The following DCC variants were observed in gnomAD, a reference collection of about 807,000 sequenced individuals.
The protein encoded by DCC is DCC netrin 1 receptor, also known as netrin receptor DCC.
DCC carries 58 observed loss-of-function variants against 172.5 expected under a neutral mutation model. The observed-to-expected ratio is 0.34, with a 90% CI of 0.27 to 0.42. DCC has a LOEUF of 0.42. Ranked by LOEUF, DCC falls within the 10% of genes least tolerant of loss-of-function variation. The probability of loss-of-function intolerance (pLI) is 1.00; values close to 1 mark genes in which losing one functional copy is unlikely to be tolerated. For synonymous variants in DCC, 709 were observed against 644.5 expected, an observed-to-expected ratio of 1.10 and a Z score of -1.52; for missense variants, 1,740 against 1,791.0, an observed-to-expected ratio of 0.97 and a Z score of 0.51.
chr18:52,793,184 C>T (rs2037809541), intron 2 of DCC, among the ~76,000 whole-genome samples: 1 of 152,176 alleles, frequency 6.6e-6, no homozygotes, highest in African/African-American at 2.4e-5. Context: ...ATTGTCACCC[C>T]ACCCTAATCT....
chr18:53,099,961 G>GTTTTTTTTTT, intron 7 of DCC, among the ~76,000 whole-genome samples: 1 of 97,918 alleles, frequency 1.0e-5, no homozygotes, highest in Non-Finnish European at 1.9e-5. Flanking sequence ...TTTTTTTTTT[G>GTTTTTTTTTT]TTTGAGACAG....
At chr18:53,343,602 T>A (rs943327486) in intron 15 of DCC, among the ~76,000 whole-genome samples, 1 of 151,960 alleles carries the variant, frequency 6.6e-6, no homozygotes, top group Non-Finnish European at 1.5e-5. Context: ...GGTTATATAT[T>A]TGTCTACAAT....
chr18:53,222,945 C>T (rs1172457805), intron 12 of DCC, among the ~76,000 whole-genome samples: 1 of 151,830 alleles, frequency 6.6e-6, no homozygotes, highest in Non-Finnish European at 1.5e-5. Flanking sequence ...TCCAAAAATA[C>T]CTTCTTATCT....
Position 52,400,043 on chromosome 18 carries a change from T to C in DCC, c.91+59165T>C, listed in dbSNP as rs114969753. On this transcript the variant is annotated intron_variant, in intron 1 of 28. Coordinates refer to ENST00000442544, the MANE Select transcript of DCC (RefSeq NM_005215.4). ...AAATACCATTCTATGGAATTTCTTT[T>C]GATCATATTTTCATGTTGTGAATAG... Among the ~76,000 whole-genome samples the C allele has an allele frequency of 7.8e-3, 1,192 of 152,124 alleles. 17 individuals carry two copies. Among genetic ancestry groups the C allele is most frequent in the African/African-American group, 0.027 (1,112 of 41,532 alleles).
At chr18:52,992,014 T>C (rs2041401811) in intron 5 of DCC, among the ~76,000 whole-genome samples, 1 of 152,198 alleles carries the variant, frequency 6.6e-6, no homozygotes, top group African/African-American at 2.4e-5. Context: ...GCTCTCACAA[T>C]TTAAGCAATT....
intron 13 of DCC, among the ~76,000 whole-genome samples, chr18:53,305,977 C>T (rs1405016730): frequency 2.0e-5 from 3 of 152,174 alleles, no homozygotes; most frequent in Admixed American, 6.5e-5. Context: ...CTCAGCATTG[C>T]TGATTCAACA....
intron 1 of DCC, among the ~76,000 whole-genome samples, chr18:52,563,636 A>G (rs1327918641): frequency 6.6e-6 from 1 of 152,156 alleles, no homozygotes; most frequent in East Asian, 1.9e-4. Context: ...GCATTTGTAT[A>G]CAATTAAAAG....
chr18:53,308,327 A>T lies in DCC; in HGVS notation c.2053+2608A>T, dbSNP rs867489576. On this transcript the variant is annotated intron_variant, in intron 13 of 28. Coordinates refer to ENST00000442544, the MANE Select transcript of DCC (RefSeq NM_005215.4). ...ATTAGTACAAGAGCTCGTATTTATT[A>T]AAAAAAGCATTCACATAAAAATATT... 2.0e-4 allele frequency among the ~76,000 whole-genome samples: 30 copies of T among 152,136 alleles called. 1 individual carries two copies. The highest frequency in any genetic ancestry group is 3.4e-3 in the Middle Eastern group (1 of 294).
Position 53,391,821 on chromosome 18 carries a change from G to A in DCC, c.2622G>A (p.Lys874=). ...ACAACTCTGTCCCTAAGAACCAAAA[G>A]ACGTCTGAGGTGCGACTTTACACCG... ...WADNSVPKNQ[K]TSEVRLYTVR... The change falls in exon 17 of 29, where the codon AAG becomes AAA. Residue 874 remains lysine (K), a synonymous_variant. Coordinates refer to ENST00000442544, the MANE Select transcript of DCC (RefSeq NM_005215.4). 3 of 1,614,102 alleles carry A rather than the reference G, an allele frequency of 1.9e-6. No individual in the cohort carries two copies. Among genetic ancestry groups the A allele is most frequent in the Non-Finnish European group, 2.5e-6 (3 of 1,179,966 alleles).
chr18:52,545,983 C>A (rs78575183), intron 1 of DCC, among the ~76,000 whole-genome samples: 1 of 152,144 alleles, frequency 6.6e-6, no homozygotes, highest in African/African-American at 2.4e-5. Flanking sequence ...CAATGCCCGT[C>A]ATTTAAGTGT....
chr18:53,203,327 A>G (rs1200250807), intron 9 of DCC, among the ~76,000 whole-genome samples: 1 of 151,966 alleles, frequency 6.6e-6, no homozygotes, highest in East Asian at 1.9e-4. Context: ...TAAAGGAAAC[A>G]TGGCTGTTCT....
chr18:52,462,131 G>A (rs778738982), intron 1 of DCC, among the ~76,000 whole-genome samples: 2 of 152,060 alleles, frequency 1.3e-5, no homozygotes, highest in Non-Finnish European at 2.9e-5. Flanking sequence ...GTCCCACCAA[G>A]GTAGGAAGTT....
At chr18:52,910,568 G>T (rs779834952) in intron 3 of DCC, among the ~76,000 whole-genome samples, 3 of 152,060 alleles carry the variant, frequency 2.0e-5, no homozygotes, top group Non-Finnish European at 4.4e-5. Flanking sequence ...GTGTGATGGC[G>T]AACATGTGAT....
At chr18:53,197,609 A>T (rs1281199638) in intron 9 of DCC, among the ~76,000 whole-genome samples, 1 of 151,884 alleles carries the variant, frequency 6.6e-6, no homozygotes, top group Non-Finnish European at 1.5e-5. Flanking sequence ...TGGCTCGGAG[A>T]CATCAGCCTC....
At chr18:52,604,114 G>A (rs2034079576) in intron 1 of DCC, among the ~76,000 whole-genome samples, 1 of 152,002 alleles carries the variant, frequency 6.6e-6, no homozygotes, top group African/African-American at 2.4e-5. Context: ...ACCCACCACT[G>A]CTAGATTAAT....
intron 14 of DCC, among the ~76,000 whole-genome samples, chr18:53,334,597 C>A (rs1479585734): frequency 6.6e-6 from 1 of 152,176 alleles, no homozygotes; most frequent in Non-Finnish European, 1.5e-5. Context: ...CCCCAACCCC[C>A]AGCCTCTGGC....
At chr18:53,325,343 C>T (rs1254059581) in intron 14 of DCC, among the ~76,000 whole-genome samples, 2 of 151,878 alleles carry the variant, frequency 1.3e-5, no homozygotes, top group African/African-American at 2.4e-5. Context: ...AGTGAGATCA[C>T]GTTATTTACC....
chr18:52,421,992 T>C (rs972905198), intron 1 of DCC, among the ~76,000 whole-genome samples: 3 of 152,208 alleles, frequency 2.0e-5, no homozygotes, highest in African/African-American at 7.2e-5. Context: ...AAGTATCTTC[T>C]TCTCATCATG....
chr18:53,426,327 AT>A (rs1910944838), intron 21 of DCC, among the ~76,000 whole-genome samples: 1 of 143,720 alleles, frequency 7.0e-6, no homozygotes, highest in Non-Finnish European at 1.5e-5. Context: ...ATATTTATAA[AT>A]TTTATGATAT....
Sources: gnomAD v4.1 joint callset for allele counts (sites outside exome capture counted in the v4.1 genomes callset) on GRCh38, gnomAD v4.1.1 for gene constraint, MANE v1.5 for transcripts, NCBI Gene and HGNC (gene_info 2026-07-23, HGNC 2026-07-21) for gene names.